SLC8A1: variants seen among roughly 807,000 people sequenced by gnomAD.
SLC8A1 encodes sodium/calcium exchanger 1.
A neutral mutation model predicts 68.3 loss-of-function variants in SLC8A1; 18 were observed. That is an observed-to-expected ratio of 0.26 (90% CI 0.18 to 0.39). SLC8A1 has a LOEUF of 0.39. SLC8A1 is among the 10% of genes least tolerant of loss of function. The pLI is 1.00. For missense variants in SLC8A1, 985 were observed against 1,156.7 expected (o/e 0.85, Z 2.15); for synonymous variants, 475 against 415.5 (o/e 1.14, Z -1.74).
At chr2:40,264,024 C>G (rs1275098553) in intron 2 of SLC8A1, among the ~76,000 whole-genome samples, 5 of 152,128 alleles carry the variant, frequency 3.3e-5, no homozygotes, top group African/African-American at 1.2e-4. Context: ...ACAACCCCAT[C>G]AAAAAGTAGG....
chr2:40,430,256 G>C (rs773071951), exon 2 of SLC8A1: 1 of 1,612,488 alleles, frequency 6.2e-7, no homozygotes. Context: ...GTGGGTGAAA[G>C]ACTTAATCGC....
chr2:40,102,992 C>G (rs188857550), exon 8 of SLC8A1: 7 of 152,224 alleles, frequency 4.6e-5, no homozygotes, highest in Admixed American at 2.0e-4. Flanking sequence ...TTTTCTTTCT[C>G]AATATTGAGT....
At position 40,408,396 on chromosome 2, in the gene SLC8A1, CACAA is replaced by C. The variant is rs200923964; in HGVS notation, c.1808+20073_1808+20076del. ...ACTGCAGCACACCTCTGCAGATTCA[CACAA>C]ACAAAGGCCAATTTGGAAGCACTAA... On this transcript the variant is annotated intron_variant, in intron 2 of 7. Coordinates refer to ENST00000406785, the Ensembl canonical transcript of SLC8A1. 3.8e-3 allele frequency among the ~76,000 whole-genome samples: 579 copies of C among 152,270 alleles called. 6 individuals are homozygous for C. The highest frequency in any genetic ancestry group is 0.013 in the African/African-American group (558 of 41,546).
intron 2 of SLC8A1, among the ~76,000 whole-genome samples, chr2:40,206,315 C>G (rs549497182): frequency 2.0e-4 from 31 of 152,112 alleles, no homozygotes; most frequent in African/African-American, 7.5e-4. Context: ...GTCACTTCAT[C>G]ATCTTGGAAC....
intron 2 of SLC8A1, among the ~76,000 whole-genome samples, chr2:40,296,006 T>A (rs1412898431): frequency 6.6e-6 from 1 of 151,934 alleles, no homozygotes; most frequent in Admixed American, 6.6e-5. Flanking sequence ...GGCACCACAA[T>A]GAGAATTTGA....
intron 2 of SLC8A1, among the ~76,000 whole-genome samples, chr2:40,376,354 GC>G (rs1252112969): frequency 6.6e-6 from 1 of 152,070 alleles, no homozygotes; most frequent in Non-Finnish European, 1.5e-5. Flanking sequence ...ATAGACAGTA[GC>G]TATGGTTTGT....
At chr2:40,375,399 TCCTAACAAACTTACTTA>T (rs1195909045) in intron 2 of SLC8A1, among the ~76,000 whole-genome samples, 1 of 152,162 alleles carries the variant, frequency 6.6e-6, no homozygotes, top group Non-Finnish European at 1.5e-5. Context: ...GGGTGAATTT[TCCTAACAAACTTACTTA>T]CAATATATCC....
intron 1 of SLC8A1, among the ~76,000 whole-genome samples, chr2:40,495,601 G>A (rs113365924): frequency 2.0e-5 from 3 of 152,012 alleles, no homozygotes; most frequent in African/African-American, 2.4e-5. Flanking sequence ...TGAGAACTTC[G>A]TGACAAAATC....
At chr2:40,219,694 A>G (rs1051638909) in intron 2 of SLC8A1, among the ~76,000 whole-genome samples, 9 of 152,184 alleles carry the variant, frequency 5.9e-5, no homozygotes. Flanking sequence ...AAACAAGCAA[A>G]GGTGTTTTAA....
chr2:40,362,641 A>G (rs1172525943), intron 2 of SLC8A1, among the ~76,000 whole-genome samples: 3 of 152,170 alleles, frequency 2.0e-5, no homozygotes, highest in Admixed American at 6.6e-5. Flanking sequence ...GGTGACTCAA[A>G]TATCACAAAA....
upstream of SLC8A1, among the ~76,000 whole-genome samples, chr2:40,456,077 G>T (rs1353860101): frequency 1.3e-5 from 2 of 152,180 alleles, no homozygotes; most frequent in East Asian, 3.9e-4. Context: ...AGCACTTTGG[G>T]AGGTTGAGGC....
chr2:40,204,754 T>A (rs2055061117), intron 2 of SLC8A1, among the ~76,000 whole-genome samples: 1 of 152,030 alleles, frequency 6.6e-6, no homozygotes, highest in Non-Finnish European at 1.5e-5. Context: ...ACTCAATATA[T>A]CCAACATATC....
intron 2 of SLC8A1, among the ~76,000 whole-genome samples, chr2:40,197,015 C>G (rs2053177353): frequency 6.6e-6 from 1 of 151,972 alleles, no homozygotes; most frequent in South Asian, 2.1e-4. Flanking sequence ...TGTTCTGTAA[C>G]TTGTATAATT....
chr2:40,260,387 T>C (rs995605259), intron 2 of SLC8A1, among the ~76,000 whole-genome samples: 1 of 152,212 alleles, frequency 6.6e-6, no homozygotes, highest in Admixed American at 6.5e-5. Context: ...TAACAGCTTC[T>C]TTACCAACCT....
At chr2:40,251,993 AGTTT>A (rs1348824082) in intron 2 of SLC8A1, among the ~76,000 whole-genome samples, 1 of 152,130 alleles carries the variant, frequency 6.6e-6, no homozygotes, top group Admixed American at 6.6e-5. Context: ...GTGAGAAAAA[AGTTT>A]GTTTTTATAT....
At chr2:40,250,451 C>T (rs1432091540) in intron 2 of SLC8A1, 2 of 152,242 alleles carry the variant, frequency 1.3e-5, no homozygotes, top group South Asian at 2.1e-4. Context: ...CACTTTACAA[C>T]AGAAATGATC....
chr2:40,359,422 A>G (rs1673834560), intron 2 of SLC8A1, among the ~76,000 whole-genome samples: 1 of 152,154 alleles, frequency 6.6e-6, no homozygotes, highest in Admixed American at 6.5e-5. Flanking sequence ...TAGCCTTTTA[A>G]GTGTGAAAAA....
At chr2:40,174,904 T>G (rs1397756438) in intron 3 of SLC8A1, 62 bp from the exon 5 acceptor site, 7 of 1,523,914 alleles carry the variant, frequency 4.6e-6, no homozygotes, top group Non-Finnish European at 6.3e-6. Context: ...CAAATACCAG[T>G]GACATCAGAC....
chr2:40,196,732 C>G (rs576990647), intron 2 of SLC8A1, among the ~76,000 whole-genome samples: 5 of 152,038 alleles, frequency 3.3e-5, no homozygotes, highest in African/African-American at 1.2e-4. Flanking sequence ...CTTTCATTAT[C>G]TGTCTCACTC....
Sources: gnomAD v4.1 joint callset for allele counts (sites outside exome capture counted in the v4.1 genomes callset) on GRCh38, gnomAD v4.1.1 for gene constraint, MANE v1.5 for transcripts, NCBI Gene and HGNC (gene_info 2026-07-23, HGNC 2026-07-21) for gene names.